MED13L: variants seen among roughly 807,000 people sequenced by gnomAD.
MED13L encodes the protein mediator complex subunit 13L.
MED13L carries 7 observed loss-of-function variants against 220.9 expected under a neutral mutation model. The ratio of observed to expected loss-of-function variants is 0.03; its 90% CI spans 0.02 to 0.06. The LOEUF is 0.06. Among genes scored for constraint, MED13L ranks in the 10% least tolerant of loss-of-function variants. The pLI is 1.00. For missense variants in MED13L, 1,965 were observed against 2,760.5 expected (o/e 0.71, Z 6.46); for synonymous variants, 1,011 against 1,015.2 (o/e 1.00, Z 0.08).
intron 1 of MED13L, among the ~76,000 whole-genome samples, chr12:116,267,604 A>T (rs1316675051): frequency 6.6e-6 from 1 of 152,238 alleles, no homozygotes; most frequent in Admixed American, 6.5e-5. Context: ...CAGAACTATT[A>T]CGTGATCATA....
intron 2 of MED13L, among the ~76,000 whole-genome samples, chr12:116,149,663 G>A (rs1186250749): frequency 6.6e-6 from 1 of 152,148 alleles, no homozygotes; most frequent in Non-Finnish European, 1.5e-5. Context: ...TAAAGGGTGG[G>A]TAACATTTAG....
intron 2 of MED13L, among the ~76,000 whole-genome samples, chr12:116,192,703 C>A (rs1388576440): frequency 6.6e-6 from 1 of 152,120 alleles, no homozygotes; most frequent in African/African-American, 2.4e-5. Flanking sequence ...AAAAAAACAA[C>A]CCTGACCCTT....
At chr12:116,100,948 G>C (rs1873020368) in intron 3 of MED13L, among the ~76,000 whole-genome samples, 1 of 152,154 alleles carries the variant, frequency 6.6e-6, no homozygotes, top group South Asian at 2.1e-4. Context: ...ATTAATGAAA[G>C]CCACTATAAA....
At chr12:116,223,525 C>T (rs190389364) in intron 2 of MED13L, among the ~76,000 whole-genome samples, 16 of 151,904 alleles carry the variant, frequency 1.1e-4, no homozygotes, top group Middle Eastern at 3.4e-3. Context: ...CCGAACATGG[C>T]GAAACCCCGT....
At chr12:115,969,873 C>T (rs1876462934) in intron 27 of MED13L, among the ~76,000 whole-genome samples, 1 of 152,096 alleles carries the variant, frequency 6.6e-6, no homozygotes, top group Admixed American at 6.6e-5. Flanking sequence ...GTAAGGTACA[C>T]TCACAGCAGA....
intron 9 of MED13L, among the ~76,000 whole-genome samples, chr12:116,011,824 T>C (rs1369600964): frequency 6.6e-6 from 1 of 152,138 alleles, no homozygotes; most frequent in African/African-American, 2.4e-5. Flanking sequence ...CGATAAAGAA[T>C]CAATTCAAGG....
intron 2 of MED13L, among the ~76,000 whole-genome samples, chr12:116,176,361 C>T (rs538996683): frequency 9.9e-5 from 15 of 152,234 alleles, no homozygotes; most frequent in African/African-American, 3.6e-4. Context: ...ATAACAGTGT[C>T]TGACTTACAC....
intron 4 of MED13L, among the ~76,000 whole-genome samples, chr12:116,080,537 A>T (rs1454322090): frequency 2.6e-5 from 4 of 152,294 alleles, no homozygotes; most frequent in South Asian, 4.1e-4. Flanking sequence ...GGACATTCTC[A>T]ATTTCTTAGG....
chr12:116,012,471 T>A (rs780836280), intron 9 of MED13L, among the ~76,000 whole-genome samples: 8 of 152,198 alleles, frequency 5.3e-5, no homozygotes, highest in Non-Finnish European at 8.8e-5. Context: ...CTGTTTTTAA[T>A]GTATCTCTAC....
At chr12:116,122,269 A>G (rs564385170) in intron 2 of MED13L, among the ~76,000 whole-genome samples, 2 of 152,182 alleles carry the variant, frequency 1.3e-5, no homozygotes, top group African/African-American at 4.8e-5. Flanking sequence ...CTTACCAAAG[A>G]AACTCAGTAA....
In MED13L at chr12:116,022,508, C is replaced by G. The variant is rs201690921; in HGVS notation, c.573G>C (p.Leu191Phe). 264 of 1,613,652 alleles carry G rather than the reference C, an allele frequency of 1.6e-4. No individual in the cohort carries two copies. Among genetic ancestry groups the G allele is most frequent in the Non-Finnish European group, 1.9e-4 (229 of 1,179,906 alleles). Residue 191 changes from leucine (L) to phenylalanine (F), a missense_variant, in exon 5 of 31, where the codon TTG (leucine) becomes TTC (phenylalanine). Leu to Phe is a conservative substitution (Grantham distance 22). This residue lies in a region of MED13L where 818 missense variants were observed against 1,041.2 expected (regional missense o/e 0.79). Coordinates refer to ENST00000281928, the MANE Select transcript of MED13L (RefSeq NM_015335.5). Reference protein sequence around the residue: ...VEIAQHQPIYLINEEHIHMAQ... With the variant: ...VEIAQHQPIYFINEEHIHMAQ... Reference sequence around the variant, plus strand: ...CCATGTGTATATGCTCCTCATTGATCAAATAAATTGGCTGGTGCTGGGCAA... The same window carrying G: ...CCATGTGTATATGCTCCTCATTGATGAAATAAATTGGCTGGTGCTGGGCAA...
Position 115,981,046 on chromosome 12 carries a change from A to G in MED13L, c.5176-108T>C, listed in dbSNP as rs929256068. The G allele has an allele frequency of 3.5e-6, 3 of 864,110 alleles. No homozygotes were observed. In the Admixed American group the frequency reaches 6.6e-5, roughly 19 times the overall value. The allele number at this position is 864,110 out of a possible 1,614,324, so 53.5% of individuals were successfully genotyped here. A position where few individuals can be genotyped will look rare whatever the true frequency, so the allele number is the denominator to read the frequency against. ...GGAAACGGCATGAATTCCTTACCAC[A>G]ATGGGGAGAGGTAACCTCAGCCTTA... On this transcript the variant is annotated intron_variant, in intron 22 of 30. Transcript: ENST00000281928.
At chr12:116,228,977 A>G (rs138884826) in intron 2 of MED13L, among the ~76,000 whole-genome samples, 40 of 152,124 alleles carry the variant, frequency 2.6e-4, no homozygotes, top group Non-Finnish European at 4.9e-4. Flanking sequence ...GTATCGCACT[A>G]TGTTTCCCAG....
intron 4 of MED13L, among the ~76,000 whole-genome samples, chr12:116,076,751 A>T (rs1340826159): frequency 1.3e-5 from 2 of 152,168 alleles, no homozygotes; most frequent in African/African-American, 2.4e-5. Flanking sequence ...ATCTTTAAGT[A>T]TCAAGACCAT....
rs749779793 is a variant in MED13L, at chr12:116,015,169, A to G, written c.1115T>C (p.Leu372Pro). 4 of 1,613,902 alleles carry G rather than the reference A, an allele frequency of 2.5e-6. No homozygotes were observed. The highest frequency in any genetic ancestry group is 2.5e-6 in the Non-Finnish European group (3 of 1,179,890). ...GACTCGATGGACCATATGATTGTGGAGTTTTGGAGGAATCTTCCCCGATCT... is the reference window on the plus strand; with the variant it reads ...GACTCGATGGACCATATGATTGTGGGGTTTTGGAGGAATCTTCCCCGATCT... ...PKRSGKIPPK[L>P]HNHMVHRVWK... The change falls in exon 8 of 31, where the codon CTC becomes CCC. Residue 372 changes from leucine (L) to proline (P), a missense_variant. Coordinates refer to ENST00000281928, the MANE Select transcript of MED13L (RefSeq NM_015335.5).
chr12:116,272,460 G>A (rs965030314), intron 1 of MED13L, among the ~76,000 whole-genome samples: 1 of 152,054 alleles, frequency 6.6e-6, no homozygotes, highest in African/African-American at 2.4e-5. Flanking sequence ...CTCCTGGGAG[G>A]CTGAGGCAAG....
intron 1 of MED13L, among the ~76,000 whole-genome samples, chr12:116,241,561 T>C (rs1041404628): frequency 2.6e-4 from 39 of 152,136 alleles, no homozygotes; most frequent in African/African-American, 9.4e-4. Context: ...AGGAGAATGG[T>C]TTCCTAATCC....
intron 2 of MED13L, among the ~76,000 whole-genome samples, chr12:116,159,088 G>A (rs1024496036): frequency 1.3e-5 from 2 of 152,076 alleles, no homozygotes; most frequent in Non-Finnish European, 2.9e-5. Context: ...AACTTTCTAG[G>A]AAAGGATTTT....
chr12:115,964,425 T>C (rs1326950755), intron 29 of MED13L, among the ~76,000 whole-genome samples: 1 of 152,236 alleles, frequency 6.6e-6, no homozygotes, highest in Non-Finnish European at 1.5e-5. Context: ...GTTCAGGTGA[T>C]ACCAGGACAC....
Sources: gnomAD v4.1 joint callset for allele counts (sites outside exome capture counted in the v4.1 genomes callset) on GRCh38, gnomAD v4.1.1 for gene constraint, gnomAD v4.1.1 regional missense constraint, MANE v1.5 for transcripts, NCBI Gene and HGNC (gene_info 2026-07-23, HGNC 2026-07-21) for gene names.